The following CASZ1 variants were observed in gnomAD, a reference collection of about 807,000 sequenced individuals.
The protein encoded by CASZ1 is zinc finger protein castor homolog 1.
Under a neutral mutation model 135.2 loss-of-function variants are expected in CASZ1, and 28 were observed. The observed-to-expected ratio is 0.21, with a 90% CI of 0.15 to 0.28. CASZ1 has a LOEUF of 0.28. Ranked by LOEUF, CASZ1 falls within the 10% of genes least tolerant of loss-of-function variation. CASZ1 has a pLI of 1.00. For synonymous variants in CASZ1, 1,068 were observed against 1,073.4 expected (o/e 0.99, Z 0.10); for missense variants, 2,161 against 2,453.3 (o/e 0.88, Z 2.52).
At chr1:10,692,634 C>T (rs1638804799) in intron 4 of CASZ1, among the ~76,000 whole-genome samples, 1 of 152,218 alleles carries the variant, frequency 6.6e-6, no homozygotes, top group Non-Finnish European at 1.5e-5. Context: ...CCTGGTGTCA[C>T]ACAGTCCTCA....
intron 2 of CASZ1, among the ~76,000 whole-genome samples, chr1:10,737,839 T>A (rs1639830296): frequency 2.6e-5 from 4 of 152,180 alleles, no homozygotes; most frequent in African/African-American, 4.8e-5. Context: ...ACTCCAGGCC[T>A]GCTCTTCCTG....
In CASZ1 at chr1:10,707,005, A is replaced by G. The variant is rs1639190878; in HGVS notation, c.-76-1461T>C. On this transcript the variant is annotated intron_variant, in intron 2 of 20. Coordinates refer to ENST00000377022, the MANE Select transcript of CASZ1 (RefSeq NM_001079843.3). This position sits in a 1 kb window ranked among gnomAD's most constrained non-coding sequence, Gnocchi z 5.0. ...GCAGGGAGGGTCACAGGGTCCGGGGATGGAGACCCCCAGGCCTCCACTGCA... is the reference window on the plus strand; with the variant it reads ...GCAGGGAGGGTCACAGGGTCCGGGGGTGGAGACCCCCAGGCCTCCACTGCA... Among the ~76,000 whole-genome samples, 1 of 152,022 alleles carries G rather than the reference A, an allele frequency of 6.6e-6. No homozygotes were observed. Among genetic ancestry groups the G allele is most frequent in the Admixed American group, 6.5e-5 (1 of 15,268 alleles).
intron 4 of CASZ1, among the ~76,000 whole-genome samples, chr1:10,685,056 G>A (rs1013772035): frequency 2.0e-5 from 3 of 152,218 alleles, no homozygotes; most frequent in Admixed American, 6.5e-5. Context: ...TCCCTGCCAG[G>A]CCCCCTGGTA....
Position 10,777,734 on chromosome 1 carries a change from C to T in CASZ1, c.-233-16877G>A, listed in dbSNP as rs1048408948. Among the ~76,000 whole-genome samples the T allele has an allele frequency of 6.6e-6, 1 of 150,428 alleles. No homozygotes were observed. The highest frequency in any genetic ancestry group is 2.5e-5 in the African/African-American group (1 of 40,800). On this transcript the variant is annotated intron_variant, in intron 1 of 20. Coordinates refer to ENST00000377022, the MANE Select transcript of CASZ1 (RefSeq NM_001079843.3). The surrounding 1 kb of genome is among the most constrained non-coding windows in gnomAD (Gnocchi z 4.4). The stretch of plus-strand genomic sequence containing the variant: ...AAATCACACACAAAACCACATACCA[C>T]GTTACAATCACACACAATCCCATAC...
rs1035446757 is a variant in CASZ1 at position 10,774,819 on chromosome 1, A to T, written c.-233-13962T>A. Among the ~76,000 whole-genome samples, 3 of 152,218 alleles carry T rather than the reference A, an allele frequency of 2.0e-5. No homozygotes were observed. Among genetic ancestry groups the T allele is most frequent in the Admixed American group, 1.3e-4 (2 of 15,296 alleles). On this transcript the variant is annotated intron_variant, in intron 1 of 20. Transcript: ENST00000377022. This position sits in a 1 kb window ranked among gnomAD's most constrained non-coding sequence, Gnocchi z 4.4. ...CCTGCAACCCACAAGCACAGTCCTG[A>T]CACTCAGAGCTCCCGCGGTCTTACA...
At chr1:10,760,946 G>A (rs1640361688) in intron 1 of CASZ1, 89 bp from the exon 2 acceptor site, 1 of 152,242 alleles carries the variant, frequency 6.6e-6, no homozygotes, top group Admixed American at 6.5e-5. Context: ...GGGAGGCTAA[G>A]GTTCCCACAC....
At chr1:10,681,958 C>T (rs1027310219) in intron 4 of CASZ1, among the ~76,000 whole-genome samples, 1 of 152,234 alleles carries the variant, frequency 6.6e-6, no homozygotes, top group Non-Finnish European at 1.5e-5. Context: ...CATTTCTCGG[C>T]GAGAGGAACA....
At position 10,727,071 on chromosome 1, in the gene CASZ1, A is replaced by C. The variant is rs1197512083; in HGVS notation, c.-76-21527T>G. On this transcript the variant is annotated intron_variant, in intron 2 of 20. Transcript: ENST00000377022. This position sits in a 1 kb window ranked among gnomAD's most constrained non-coding sequence, Gnocchi z 5.3. ...CACAGCCTGTGAGTGAGGAGGACTG[A>C]AACGAAGGCAGAGGGGGAGCCATGG... is the stretch of plus-strand genomic sequence containing the variant. Among the ~76,000 whole-genome samples, 1 of 152,118 alleles carries C rather than the reference A, an allele frequency of 6.6e-6. No homozygotes were observed. Among genetic ancestry groups the C allele is most frequent in the Non-Finnish European group, 1.5e-5 (1 of 68,012 alleles).
At chr1:10,768,642 C>T (rs980225239) in intron 1 of CASZ1, among the ~76,000 whole-genome samples, 1 of 152,194 alleles carries the variant, frequency 6.6e-6, no homozygotes, top group Admixed American at 6.5e-5. Flanking sequence ...AGTGGCCCCT[C>T]CTGCCCAGCC....
chr1:10,689,045 A>ACC (rs1403831642), intron 4 of CASZ1, among the ~76,000 whole-genome samples: 1 of 152,182 alleles, frequency 6.6e-6, no homozygotes, highest in Admixed American at 6.5e-5. Flanking sequence ...AGGGTGTAAA[A>ACC]ATCAGCTCAG....
intron 18 of CASZ1, among the ~76,000 whole-genome samples, chr1:10,644,279 A>G (rs999997619): frequency 6.6e-6 from 1 of 152,208 alleles, no homozygotes; most frequent in Non-Finnish European, 1.5e-5. Flanking sequence ...AGCTCCCAGC[A>G]GCACGGCTAC....
rs1639481952 is a variant in CASZ1, at chr1:10,720,729, C to T, written c.-76-15185G>A. ...ATCTGGGGAGAGGGAGGACGGCTGGCAAAGAATGAGAAGGGCGTAGGGAAG... is the reference window on the plus strand; with the variant it reads ...ATCTGGGGAGAGGGAGGACGGCTGGTAAAGAATGAGAAGGGCGTAGGGAAG... On this transcript the variant is annotated intron_variant, in intron 2 of 20. Transcript: ENST00000377022. This position sits in a 1 kb window ranked among gnomAD's most constrained non-coding sequence, Gnocchi z 5.7. Among the ~76,000 whole-genome samples the T allele has an allele frequency of 6.6e-6, 1 of 152,162 alleles. No homozygotes were observed. The highest frequency in any genetic ancestry group is 1.5e-5 in the Non-Finnish European group (1 of 68,020).
In CASZ1 at chr1:10,639,257, G is replaced by A. The variant is rs1642112696; in HGVS notation, c.4965C>T (p.Ala1655=). The change falls in exon 21 of 21, where the codon GCC becomes GCT. Residue 1655 remains alanine, a synonymous_variant. Transcript: ENST00000377022. The surrounding 1 kb of genome is among the most constrained non-coding windows in gnomAD (Gnocchi z 4.0). ...DAGDPGPPDA[A]APGPREGAAA... ...CGGCGCCCTCGCGCGGCCCGGGGGC[G>A]GCGGCGTCGGGCGGGCCGGGGTCGC... 19 of 961,496 alleles carry A rather than the reference G, an allele frequency of 2.0e-5. No individual in the cohort carries two copies. The highest frequency in any genetic ancestry group is 2.1e-5 in the Non-Finnish European group (17 of 806,006). 59.6% of individuals were successfully genotyped at this position (961,496 alleles called of 1,614,324 possible).
rs284285 is a variant in CASZ1 at position 10,699,970 on chromosome 1, G to A, written c.-24+5522C>T. On this transcript the variant is annotated intron_variant, in intron 3 of 20. Transcript: ENST00000377022. The surrounding 1 kb of genome is among the most constrained non-coding windows in gnomAD (Gnocchi z 4.6). ...AAGAAACAGAAGAGAAGCAGAGACA[G>A]AGAGAGAGAAAGAGAGACAGGCAGA... is the stretch of plus-strand genomic sequence containing the variant. 1.3e-5 allele frequency among the ~76,000 whole-genome samples: 2 copies of A among 151,912 alleles called. No homozygotes were observed. Among genetic ancestry groups the A allele is most frequent in the Non-Finnish European group, 2.9e-5 (2 of 67,958 alleles).
chr1:10,649,642 C>T (rs1162895148), intron 13 of CASZ1: 1 of 588,140 alleles, frequency 1.7e-6, no homozygotes, highest in Non-Finnish European at 2.9e-6. Flanking sequence ...ACCCCAGGAG[C>T]TGCGAGGCCT....
chr1:10,655,902 G>C (rs1216243565), intron 8 of CASZ1, 89 bp from the exon 9 acceptor site: 6 of 1,358,464 alleles, frequency 4.4e-6, no homozygotes, highest in Non-Finnish European at 6.2e-6. Flanking sequence ...GCCAGGTGCT[G>C]GCCTCAGGTC....
In CASZ1 at chr1:10,639,445, G is replaced by T; in HGVS notation, c.4777C>A (p.Arg1593Ser). Residue 1593 changes from arginine (R) to serine (S), a missense_variant, in exon 21 of 21, where the codon CGC becomes AGC. By Grantham distance (110) the Arg-to-Ser change is moderately radical (BLOSUM62 -1). Coordinates refer to ENST00000377022, the MANE Select transcript of CASZ1 (RefSeq NM_001079843.3). The surrounding 1 kb of genome is among the most constrained non-coding windows in gnomAD (Gnocchi z 4.0). ...CCGCGCTCCTGCTTCTCGTGCTTGC[G>T]CTTGTGCGAGTCCATCTGCGACATG... ...VGMSQMDSHK[R>S]KHEKQERGEP... 6.3e-7 allele frequency: 1 copy of T among 1,592,698 alleles called. No homozygotes were observed. Among genetic ancestry groups the T allele is most frequent in the Non-Finnish European group, 8.5e-7 (1 of 1,170,806 alleles).
chr1:10,779,863 C>T (rs1272726250), intron 1 of CASZ1, among the ~76,000 whole-genome samples: 4 of 152,200 alleles, frequency 2.6e-5, no homozygotes, highest in Non-Finnish European at 4.4e-5. Context: ...AGAACTCTCT[C>T]GGAATTGAAT....
At chr1:10,760,579 C>T (rs1640354151) in intron 2 of CASZ1, 122 bp downstream of exon 2, 1 of 152,286 alleles carries the variant, frequency 6.6e-6, no homozygotes, top group South Asian at 2.1e-4. Flanking sequence ...CTACCACCCT[C>T]AGGATCAGAA....
Sources: gnomAD v4.1 joint callset for allele counts (sites outside exome capture counted in the v4.1 genomes callset) on GRCh38, gnomAD v4.1.1 for gene constraint, Gnocchi (gnomAD v3.1) non-coding constraint, MANE v1.5 for transcripts, NCBI Gene and HGNC (gene_info 2026-07-23, HGNC 2026-07-21) for gene names.